The following CLCN5 variants were observed in gnomAD, a reference collection of about 807,000 sequenced individuals.
CLCN5 encodes Cl-/H+ antiporter 5.
CLCN5 carries 17 observed loss-of-function variants against 54.0 expected under a neutral mutation model. The ratio of observed to expected loss-of-function variants is 0.31; its 90% CI spans 0.22 to 0.47. The LOEUF is 0.47. Ranked by LOEUF, CLCN5 falls within the 20% of genes least tolerant of loss-of-function variation. CLCN5 has a pLI of 1.00. For synonymous variants in CLCN5, 222 were observed against 233.0 expected (o/e 0.95, Z 0.43); for missense variants, 448 against 646.7 (o/e 0.69, Z 3.33).
intron 11 of CLCN5, among the ~76,000 whole-genome samples, chrX:50,088,243 G>A (rs1933962092): frequency 8.9e-6 from 1 of 111,966 alleles, no homozygotes; most frequent in Non-Finnish European, 1.9e-5. Flanking sequence ...GAATAATAAT[G>A]CCTGCCTCCT....
At chrX:50,023,176 TA>T (rs1931204039) in intron 3 of CLCN5, among the ~76,000 whole-genome samples, 1 of 86,362 alleles carries the variant, frequency 1.2e-5, no homozygotes, top group Admixed American at 1.2e-4. Context: ...ATTGGGTGCA[TA>T]AATATTTAGG....
At chrX:50,019,468 C>CTTTTTTTTTTTTTTTTTTTT (rs1175073117) in intron 3 of CLCN5, among the ~76,000 whole-genome samples, 3 of 47,688 alleles carry the variant, frequency 6.3e-5, no homozygotes, top group East Asian at 6.9e-4. Flanking sequence ...TTTTTTTTTT[C>CTTTTTTTTTTTTTTTTTTTT]TTTTTTTTTT....
intron 3 of CLCN5, among the ~76,000 whole-genome samples, chrX:50,028,794 C>G (rs1557185395): frequency 8.9e-6 from 1 of 111,973 alleles, no homozygotes; most frequent in Non-Finnish European, 1.9e-5. Context: ...AGTGATGATG[C>G]AGATATGTCC....
chrX:50,053,703 ATATAT>A (rs1359095668), intron 4 of CLCN5, among the ~76,000 whole-genome samples: 1 of 111,683 alleles, frequency 9.0e-6, no homozygotes, highest in African/African-American at 3.3e-5. Flanking sequence ...TACTTCTCAC[ATATAT>A]TATATTTTCA....
At chrX:50,045,947 G>A (rs1288220335) in intron 4 of CLCN5, among the ~76,000 whole-genome samples, 1 of 112,167 alleles carries the variant, frequency 8.9e-6, no homozygotes, top group Non-Finnish European at 1.9e-5. Flanking sequence ...TTTGTACCAG[G>A]CACAATAGCA....
chrX:49,936,036 A>G (rs1557169619), intron 3 of CLCN5, among the ~76,000 whole-genome samples: 1 of 111,146 alleles, frequency 9.0e-6, no homozygotes, highest in African/African-American at 3.3e-5. Flanking sequence ...TTAATGAGTA[A>G]TAACTGCCTT....
At chrX:49,975,416 A>G (rs1234389804) in intron 3 of CLCN5, among the ~76,000 whole-genome samples, 1 of 111,455 alleles carries the variant, frequency 9.0e-6, no homozygotes, top group African/African-American at 3.3e-5. Flanking sequence ...TAGGAAAGTA[A>G]AGAGTTGATA....
intron 3 of CLCN5, among the ~76,000 whole-genome samples, chrX:49,996,638 A>T (rs1929535592): frequency 1.8e-5 from 2 of 112,451 alleles, no homozygotes; most frequent in African/African-American, 6.5e-5. Flanking sequence ...ACTGCAAGCA[A>T]TAAACTCCAT....
At chrX:50,057,505 C>G (rs1557189136) in intron 4 of CLCN5, among the ~76,000 whole-genome samples, 18 of 65 alleles carry the variant, frequency 0.28, no homozygotes, top group African/African-American at 0.49. Flanking sequence ...ATCCAGGACT[C>G]TCCTGGATAG....
chrX:49,939,742 A>G lies in CLCN5; in HGVS notation c.16+14428A>G, dbSNP rs782742997. On this transcript the variant is annotated intron_variant, in intron 3 of 14. Transcript: ENST00000376091. The stretch of plus-strand genomic sequence containing the variant: ...AACATGGCACATGTATACATATGTA[A>G]CAAACCTGCACATTGTGCACATGTA... Among the ~76,000 whole-genome samples, 5 of 111,496 alleles carry G rather than the reference A, an allele frequency of 4.5e-5. No homozygotes were observed. The South Asian group carries it at 1.5e-3, about 34-fold the overall frequency.
intron 3 of CLCN5, chrX:50,008,894 A>G (rs1280881663): frequency 1.1e-5 from 4 of 371,814 alleles, no homozygotes; most frequent in Admixed American, 1.1e-4. Flanking sequence ...AGACTTGGTT[A>G]TAGCTACACA....
intron 6 of CLCN5, among the ~76,000 whole-genome samples, chrX:50,073,944 C>T (rs1254716694): frequency 9.0e-6 from 1 of 111,518 alleles, no homozygotes; most frequent in Non-Finnish European, 1.9e-5. Flanking sequence ...TAACTCTGCC[C>T]CTTCTGGCTC....
intron 3 of CLCN5, among the ~76,000 whole-genome samples, chrX:49,990,433 A>G (rs1167200603): frequency 1.0e-5 from 1 of 99,771 alleles, no homozygotes; most frequent in Non-Finnish European, 2.0e-5. Context: ...ACCAAAGTCC[A>G]TTGTATCCTT....
At chrX:50,009,179 C>A (rs781853309) in intron 3 of CLCN5, among the ~76,000 whole-genome samples, 33 of 111,840 alleles carry the variant, frequency 3.0e-4, no homozygotes, top group Non-Finnish European at 5.3e-4. Flanking sequence ...CTGTAGAGGG[C>A]ACCTGTGGGA....
At chrX:50,078,985 G>T (rs1327687228) in intron 7 of CLCN5, among the ~76,000 whole-genome samples, 1 of 111,293 alleles carries the variant, frequency 9.0e-6, no homozygotes, top group Non-Finnish European at 1.9e-5. Context: ...ACCACGCCCG[G>T]CTAATTTTTT....
intron 3 of CLCN5, among the ~76,000 whole-genome samples, chrX:49,963,621 C>T (rs782219231): frequency 2.2e-4 from 25 of 112,041 alleles, no homozygotes; most frequent in Non-Finnish European, 4.0e-4. Flanking sequence ...AGAAGGCCAT[C>T]TCAGGACAAA....
At chrX:49,981,437 A>G (rs1557177679) in intron 3 of CLCN5, among the ~76,000 whole-genome samples, 1 of 111,503 alleles carries the variant, frequency 9.0e-6, no homozygotes, top group African/African-American at 3.3e-5. Context: ...CACCCCAACC[A>G]CAAAATGATG....
At chrX:49,993,676 A>T (rs1293201545) in intron 3 of CLCN5, among the ~76,000 whole-genome samples, 2 of 112,566 alleles carry the variant, frequency 1.8e-5, no homozygotes, top group Non-Finnish European at 3.8e-5. Context: ...TAAAGTAGTG[A>T]GTGGCATTGT....
chrX:50,045,895 T>C (rs782523012), intron 4 of CLCN5, among the ~76,000 whole-genome samples: 1 of 112,448 alleles, frequency 8.9e-6, no homozygotes, highest in Non-Finnish European at 1.9e-5. Flanking sequence ...AAGGTCACAA[T>C]GTCCTTGATA....
Sources: allele counts gnomAD v4.1 joint callset (sites outside exome capture counted in the v4.1 genomes callset), GRCh38; gene constraint gnomAD v4.1.1; transcripts MANE v1.5; gene names NCBI Gene and HGNC (gene_info 2026-07-23, HGNC 2026-07-21).